LIMS1: variants seen among roughly 807,000 people sequenced by gnomAD.
LIMS1 encodes the protein LIM zinc finger domain containing 1, also known as LIM and senescent cell antigen-like-containing domain protein 1.
Under a neutral mutation model 44.1 loss-of-function variants are expected in LIMS1, and 18 were observed. The observed-to-expected ratio is 0.41, with a 90% confidence interval of 0.28 to 0.61. LIMS1 has a LOEUF of 0.61. Among genes scored for constraint, LIMS1 ranks in the 20% least tolerant of loss-of-function variants. LIMS1 has a pLI of 0.32. For missense variants in LIMS1, 201 were observed against 422.0 expected, an observed-to-expected ratio of 0.48 and a Z score of 4.59; for synonymous variants, 93 against 149.1, an observed-to-expected ratio of 0.62 and a Z score of 2.74.
At chr2:108,577,588 G>T (rs928950091) in intron 1 of LIMS1, among the ~76,000 whole-genome samples, 4 of 151,932 alleles carry the variant, frequency 2.6e-5, no homozygotes, top group African/African-American at 9.7e-5. Flanking sequence ...AGTGGGTAAG[G>T]GTAGGTTAAC....
At chr2:108,585,170 A>AAAAAAT (rs2104665577) in intron 1 of LIMS1, among the ~76,000 whole-genome samples, 1 of 151,546 alleles carries the variant, frequency 6.6e-6, no homozygotes, top group Admixed American at 6.6e-5. Context: ...AAAAAAAAAA[A>AAAAAAT]AGGCGGGGCC....
chr2:108,626,348 T>C (rs559896055), intron 1 of LIMS1, among the ~76,000 whole-genome samples: 91 of 152,352 alleles, frequency 6.0e-4, no homozygotes, highest in Non-Finnish European at 1.1e-3. Context: ...TTCCCAACAA[T>C]GAGCAAACAC....
At chr2:108,681,756 C>CA (rs1267520800) in intron 9 of LIMS1, 2,753 of 169,320 alleles carry the variant, frequency 0.016, no homozygotes, top group Non-Finnish European at 0.026. Context: ...CCCCATCCGT[C>CA]AAAAAAAAAA....
chr2:108,539,335 T>C (rs1468961136), intron 1 of LIMS1, among the ~76,000 whole-genome samples: 1 of 152,232 alleles, frequency 6.6e-6, no homozygotes, highest in Non-Finnish European at 1.5e-5. Context: ...TCCGCCCTTC[T>C]CGGCCTCTCA....
chr2:108,547,723 G>A (rs1684532786), intron 1 of LIMS1, among the ~76,000 whole-genome samples: 1 of 152,198 alleles, frequency 6.6e-6, no homozygotes, highest in African/African-American at 2.4e-5. Context: ...TTGATAGAGT[G>A]TGTGGAGGAA....
At chr2:108,534,432 GC>G (rs1573277877) in exon 1 of LIMS1, 3 of 649,110 alleles carry the variant, frequency 4.6e-6, no homozygotes, top group East Asian at 1.1e-4. Context: ...CGCGCGGCCG[GC>G]CCCTGGCCTT....
At chr2:108,533,733 C>A (rs1480027393), upstream of LIMS1, 1 of 152,462 alleles carries the variant, frequency 6.6e-6, no homozygotes, top group East Asian at 1.9e-4. Flanking sequence ...TTTTGATAGA[C>A]GGAATGGGTG....
chr2:108,558,495 C>T (rs1273114201), intron 1 of LIMS1, among the ~76,000 whole-genome samples: 2 of 151,982 alleles, frequency 1.3e-5, no homozygotes, highest in African/African-American at 4.8e-5. Context: ...AGGTGTGAGC[C>T]ACCACACCGG....
chr2:108,574,862 A>G (rs1685612842), intron 1 of LIMS1, among the ~76,000 whole-genome samples: 1 of 151,998 alleles, frequency 6.6e-6, no homozygotes. Flanking sequence ...TCATGGTTTT[A>G]TTTTTATGGA....
chr2:108,603,495 C>CTTTTTTT (rs55909729), intron 1 of LIMS1, among the ~76,000 whole-genome samples: 3 of 88,224 alleles, frequency 3.4e-5, no homozygotes, highest in African/African-American at 4.2e-5. Flanking sequence ...TTTTCATCGC[C>CTTTTTTT]TTTTTTTTTT....
At chr2:108,618,276 A>T (rs1387633110) in intron 1 of LIMS1, among the ~76,000 whole-genome samples, 2 of 152,238 alleles carry the variant, frequency 1.3e-5, no homozygotes, top group Non-Finnish European at 2.9e-5. Context: ...ATGCTAAGAC[A>T]GTTATTTGAA....
chr2:108,646,494 A>T (rs900575159), intron 1 of LIMS1, among the ~76,000 whole-genome samples: 1 of 152,186 alleles, frequency 6.6e-6, no homozygotes, highest in African/African-American at 2.4e-5. Flanking sequence ...TGTAGAGGGA[A>T]ATTTATAGCA....
intron 1 of LIMS1, among the ~76,000 whole-genome samples, chr2:108,571,571 A>T (rs1249117790): frequency 6.6e-6 from 1 of 152,248 alleles, no homozygotes; most frequent in African/African-American, 2.4e-5. Flanking sequence ...TGGGACAATA[A>T]ATAGCCTTAA....
chr2:108,577,862 C>T (rs773426287), intron 1 of LIMS1, among the ~76,000 whole-genome samples: 2 of 152,102 alleles, frequency 1.3e-5, no homozygotes, highest in Admixed American at 6.6e-5. Flanking sequence ...CTCCTCTTAC[C>T]GTGTGACTGT....
At chr2:108,662,112 A>G in intron 2 of LIMS1, 2 of 1,595,230 alleles carry the variant, frequency 1.3e-6, no homozygotes, top group Non-Finnish European at 1.7e-6. Context: ...AGAGAAAAAG[A>G]CAGGCTTTGT....
At chr2:108,665,646 C>A (rs992550779) in intron 2 of LIMS1, among the ~76,000 whole-genome samples, 1 of 152,108 alleles carries the variant, frequency 6.6e-6, no homozygotes, top group Admixed American at 6.5e-5. Context: ...CCTGCCTCAG[C>A]CTCCTCAGTA....
intron 2 of LIMS1, among the ~76,000 whole-genome samples, chr2:108,669,407 A>G (rs1692011559): frequency 6.7e-6 from 1 of 149,582 alleles, no homozygotes; most frequent in African/African-American, 2.4e-5. Flanking sequence ...GACTCTGGGA[A>G]AAAAAAAAAA....
chr2:108,609,127 G>A (rs1687444506), intron 1 of LIMS1, among the ~76,000 whole-genome samples: 1 of 152,192 alleles, frequency 6.6e-6, no homozygotes, highest in South Asian at 2.1e-4. Flanking sequence ...TGGGATCGGT[G>A]ATTCGAGAGT....
chr2:108,574,534 C>G (rs1685601284), intron 1 of LIMS1, among the ~76,000 whole-genome samples: 1 of 152,140 alleles, frequency 6.6e-6, no homozygotes, highest in African/African-American at 2.4e-5. Flanking sequence ...TCTGTGCTCT[C>G]TCACCTCCTC....
Sources: allele counts gnomAD v4.1 joint callset (sites outside exome capture counted in the v4.1 genomes callset), GRCh38; gene constraint gnomAD v4.1.1; transcripts MANE v1.5; gene names NCBI Gene and HGNC (gene_info 2026-07-23, HGNC 2026-07-21).